Variants in PDE4B observed in about 807,000 individuals in gnomAD.
The protein encoded by PDE4B is phosphodiesterase 4B, also known as 3',5'-cyclic-AMP phosphodiesterase 4B.
A neutral mutation model predicts 82.2 loss-of-function variants in PDE4B; 20 were observed. That is an observed-to-expected ratio of 0.24 (90% confidence interval 0.17 to 0.35). PDE4B has a LOEUF of 0.35. Ranked by LOEUF, PDE4B falls within the 10% of genes least tolerant of loss-of-function variation. The pLI is 1.00. For missense variants in PDE4B, 655 were observed against 907.2 expected, an observed-to-expected ratio of 0.72 and a Z score of 3.57; for synonymous variants, 320 against 318.9, an observed-to-expected ratio of 1.00 and a Z score of -0.04.
chr1:66,193,950 C>T (rs201542646), intron 3 of PDE4B, among the ~76,000 whole-genome samples: 3 of 141,872 alleles, frequency 2.1e-5, no homozygotes, highest in Admixed American at 7.1e-5. Flanking sequence ...GATTTGAAAT[C>T]TTTTTTTTTT....
At chr1:65,833,929 C>T (rs926455067) in intron 1 of PDE4B, among the ~76,000 whole-genome samples, 1 of 152,132 alleles carries the variant, frequency 6.6e-6, no homozygotes, top group Non-Finnish European at 1.5e-5. Flanking sequence ...TTTGCTGTTA[C>T]CTGTGCTCTT....
In PDE4B at chr1:66,372,781, GC is replaced by G; in HGVS notation, c.*105del. The G allele has an allele frequency of 8.5e-7, 1 of 1,181,838 alleles. No individual in the cohort carries two copies. Among genetic ancestry groups the G allele is most frequent in the Non-Finnish European group, 1.2e-6 (1 of 840,434 alleles). 73.2% of individuals were successfully genotyped at this position (1,181,838 alleles called of 1,614,324 possible). On this transcript the variant is annotated 3_prime_UTR_variant, in exon 17 of 17. Transcript: ENST00000341517. ...GGGCCAAGACCTGCACAGGACAAGGGCCACCTGGCCTTTCAGTTACTTGAGT... is the reference window on the plus strand; with the variant it reads ...GGGCCAAGACCTGCACAGGACAAGGGCACCTGGCCTTTCAGTTACTTGAGT...
At chr1:66,116,505 A>AT (rs1016620143) in intron 3 of PDE4B, among the ~76,000 whole-genome samples, 12 of 152,020 alleles carry the variant, frequency 7.9e-5, no homozygotes, top group Middle Eastern at 3.4e-3. Flanking sequence ...AATTCTTCCA[A>AT]TTTTTTTGCC....
Position 65,956,225 on chromosome 1 carries a change from AT to A in PDE4B, c.281+37393del, listed in dbSNP as rs368683628. 3.1e-4 allele frequency among the ~76,000 whole-genome samples: 47 copies of A among 152,232 alleles called. 1 individual carries two copies. The highest frequency in any genetic ancestry group is 1.1e-3 in the African/African-American group (44 of 41,556). ...AGTTGCAGTCTTACTACTGGGATAT[AT>A]TTAAGGTTTGGGAAAGTCTTAATTC... is the stretch of plus-strand genomic sequence containing the variant. On this transcript the variant is annotated intron_variant, in intron 3 of 16. Coordinates refer to ENST00000341517, the MANE Select transcript of PDE4B (RefSeq NM_002600.4).
chr1:65,799,850 C>T (rs975195952), intron 1 of PDE4B, among the ~76,000 whole-genome samples: 1 of 152,190 alleles, frequency 6.6e-6, no homozygotes, highest in South Asian at 2.1e-4. Context: ...TCTCCTCCCC[C>T]ATAACACACA....
At chr1:66,108,253 A>G (rs1645412038) in intron 3 of PDE4B, among the ~76,000 whole-genome samples, 1 of 151,932 alleles carries the variant, frequency 6.6e-6, no homozygotes. Flanking sequence ...GGTAGCCATC[A>G]TTATACTTTC....
At chr1:66,090,608 A>ATATG (rs1223257167) in intron 3 of PDE4B, among the ~76,000 whole-genome samples, 8 of 107,464 alleles carry the variant, frequency 7.4e-5, no homozygotes, top group East Asian at 6.8e-4. Context: ...ATATATATAT[A>ATATG]TGTATATAAT....
chr1:65,863,310 G>GT (rs1445206676), intron 1 of PDE4B, among the ~76,000 whole-genome samples: 1 of 152,100 alleles, frequency 6.6e-6, no homozygotes, highest in East Asian at 1.9e-4. Context: ...TAGTTGTGCA[G>GT]TTTTTTTGTG....
chr1:66,365,461 T>A (rs1433739578), intron 12 of PDE4B, among the ~76,000 whole-genome samples: 2 of 152,206 alleles, frequency 1.3e-5, no homozygotes, highest in Non-Finnish European at 2.9e-5. Context: ...TGATGTGAGA[T>A]TGAGCTCTGG....
Position 66,068,257 on chromosome 1 carries a change from C to T in PDE4B, c.281+149422C>T, listed in dbSNP as rs72918293. Among the ~76,000 whole-genome samples the T allele has an allele frequency of 8.7e-3, 1,324 of 151,900 alleles. 19 individuals are homozygous for T. Among genetic ancestry groups the T allele is most frequent in the African/African-American group, 0.03 (1,238 of 41,458 alleles). ...GAGCAGAAATACAACTCAAAACCAG[C>T]GAAGCTATCCCCAGGGATACAGAGA... On this transcript the variant is annotated intron_variant, in intron 3 of 16. Coordinates refer to ENST00000341517, the MANE Select transcript of PDE4B (RefSeq NM_002600.4).
At chr1:65,857,190 T>C (rs913946736) in intron 1 of PDE4B, among the ~76,000 whole-genome samples, 1 of 152,224 alleles carries the variant, frequency 6.6e-6, no homozygotes, top group African/African-American at 2.4e-5. Flanking sequence ...TCATATATAG[T>C]AATGTTCTGT....
chr1:66,314,325 T>A (rs1658870029), intron 7 of PDE4B, among the ~76,000 whole-genome samples: 1 of 152,214 alleles, frequency 6.6e-6, no homozygotes, highest in African/African-American at 2.4e-5. Context: ...TTCAAGAACC[T>A]ACAATAGCTC....
intron 3 of PDE4B, among the ~76,000 whole-genome samples, chr1:66,052,732 T>A (rs1557526610): frequency 6.6e-6 from 1 of 152,162 alleles, no homozygotes; most frequent in East Asian, 1.9e-4. Context: ...CTATAACTCC[T>A]GTAATTCTGT....
At chr1:65,949,233 G>A (rs1648870405) in intron 3 of PDE4B, among the ~76,000 whole-genome samples, 1 of 152,064 alleles carries the variant, frequency 6.6e-6, no homozygotes, top group African/African-American at 2.4e-5. Context: ...CCTTGGGCAT[G>A]TCTTATGGGC....
rs5774792 is a variant in PDE4B, at chr1:66,068,105, T to TAA, written c.281+149279_281+149280dup. 8.7e-4 allele frequency among the ~76,000 whole-genome samples: 128 copies of TAA among 147,726 alleles called. 1 individual carries two copies. In the Middle Eastern group the frequency reaches 0.011, roughly 12 times the overall value. ...ACTTAAAGTATAATAATAATAAAAT[T>TAA]AAAAAAAAAAGACACAGCAACTAAA... is the stretch of plus-strand genomic sequence containing the variant. On this transcript the variant is annotated intron_variant, in intron 3 of 16. Transcript: ENST00000341517.
At chr1:65,825,710 CTAT>C (rs1646007673) in intron 1 of PDE4B, among the ~76,000 whole-genome samples, 1 of 89,706 alleles carries the variant, frequency 1.1e-5, no homozygotes, top group Admixed American at 1.1e-4. Context: ...AATTACCTAT[CTAT>C]CTATCTATCT....
chr1:66,368,380 G>A (rs1363102945), intron 15 of PDE4B, among the ~76,000 whole-genome samples: 1 of 152,216 alleles, frequency 6.6e-6, no homozygotes, highest in Non-Finnish European at 1.5e-5. Context: ...TTGACTTGAA[G>A]TTTGTTAGGT....
At chr1:65,933,635 C>A (rs1006673905) in intron 3 of PDE4B, among the ~76,000 whole-genome samples, 2 of 151,774 alleles carry the variant, frequency 1.3e-5, no homozygotes, top group Non-Finnish European at 2.9e-5. Context: ...CGTGCCATTG[C>A]ATTCCAGCCC....
At chr1:66,097,891 G>A (rs1006802015) in intron 3 of PDE4B, among the ~76,000 whole-genome samples, 2 of 148,958 alleles carry the variant, frequency 1.3e-5, no homozygotes, top group African/African-American at 4.9e-5. Flanking sequence ...TTTTAAAGTG[G>A]TGATAGATTT....
Sources: allele counts gnomAD v4.1 joint callset (sites outside exome capture counted in the v4.1 genomes callset), GRCh38; gene constraint gnomAD v4.1.1; transcripts MANE v1.5; gene names NCBI Gene and HGNC (gene_info 2026-07-23, HGNC 2026-07-21).